METTL4: variants seen among roughly 807,000 people sequenced by gnomAD.
The protein encoded by METTL4 is N(6)-adenine-specific methyltransferase METTL4.
METTL4 carries 40 observed loss-of-function variants against 54.0 expected under a neutral mutation model. The ratio of observed to expected loss-of-function variants is 0.74; its 90% CI spans 0.58 to 0.96. The LOEUF is 0.96. METTL4 is among the 50% of genes least tolerant of loss of function. The probability of loss-of-function intolerance (pLI) is 0.00; values close to 1 mark genes in which losing one functional copy is unlikely to be tolerated. For missense variants in METTL4, 525 were observed against 549.0 expected (o/e 0.96, Z 0.44); for synonymous variants, 169 against 183.8 (o/e 0.92, Z 0.65).
At chr18:2,540,709 C>A (rs765820243) in intron 8 of METTL4, 83 of 985,226 alleles carry the variant, frequency 8.4e-5, no homozygotes, top group Non-Finnish European at 9.6e-5. Context: ...AGGAAATAAC[C>A]CCACATGGAA....
chr18:2,538,597 C>A lies in METTL4; in HGVS notation c.*403G>T, dbSNP rs981773623. On this transcript the variant is annotated 3_prime_UTR_variant, in exon 9 of 9. Coordinates refer to ENST00000574538, the MANE Select transcript of METTL4 (RefSeq NM_022840.5). ...CTGATGTTTAAAAAGAAGCAGAAATCTGGACTTTAATGTGAAATAGCCCCA... is the reference window on the plus strand; with the variant it reads ...CTGATGTTTAAAAAGAAGCAGAAATATGGACTTTAATGTGAAATAGCCCCA... The A allele has an allele frequency of 6.3e-6, 1 of 157,930 alleles. No homozygotes were observed. The highest frequency in any genetic ancestry group is 1.4e-5 in the Non-Finnish European group (1 of 71,794). The allele number at this position is 157,930 out of a possible 1,614,324, so 9.8% of individuals were successfully genotyped here.
At chr18:2,542,244 T>G (rs763353826) in intron 8 of METTL4, among the ~76,000 whole-genome samples, 28 of 152,036 alleles carry the variant, frequency 1.8e-4, no homozygotes, top group Non-Finnish European at 3.4e-4. Context: ...TTAGGGTACA[T>G]GTGCACATTG....
intron 7 of METTL4, 68 bp downstream of exon 7, chr18:2,544,585 T>C: frequency 2.0e-6 from 2 of 1,015,252 alleles, no homozygotes; most frequent in Non-Finnish European, 3.0e-6. Flanking sequence ...AAGTCAATGA[T>C]TACTAATCAT....
intron 8 of METTL4, 103 bp downstream of exon 8, chr18:2,544,092 C>T (rs1398220716): frequency 9.1e-6 from 7 of 767,882 alleles, no homozygotes; most frequent in Admixed American, 3.0e-5. Flanking sequence ...TAACAACCTA[C>T]GTCTGACTTA....
At chr18:2,547,863 G>A (rs2072095238) in intron 5 of METTL4, among the ~76,000 whole-genome samples, 1 of 151,716 alleles carries the variant, frequency 6.6e-6, no homozygotes, top group East Asian at 1.9e-4. Flanking sequence ...CATACTCTAC[G>A]TTACACAGGA....
chr18:2,565,743 C>T (rs1027690890), intron 2 of METTL4, among the ~76,000 whole-genome samples: 4 of 152,056 alleles, frequency 2.6e-5, no homozygotes, highest in Admixed American at 6.5e-5. Context: ...AACGTTTGTT[C>T]GGTGAGTAAT....
chr18:2,567,227 TAA>T lies in METTL4; in HGVS notation c.-13_-12del. ...GTGTACCACAGACATTCCCTTCCTTTAAAAAAGCCTCTGGGAATTAGGAACTA... is the reference window on the plus strand; with the variant it reads ...GTGTACCACAGACATTCCCTTCCTTTAAAAGCCTCTGGGAATTAGGAACTA... On this transcript the variant is annotated 5_prime_UTR_variant, in exon 2 of 9. Coordinates refer to ENST00000574538, the MANE Select transcript of METTL4 (RefSeq NM_022840.5). The T allele has an allele frequency of 6.5e-7, 1 of 1,549,876 alleles. No homozygotes were observed. The highest frequency in any genetic ancestry group is 8.7e-7 in the Non-Finnish European group (1 of 1,151,014).
chr18:2,559,803 TCGGCTTA>T (rs1464536174), intron 3 of METTL4, among the ~76,000 whole-genome samples: 1 of 152,198 alleles, frequency 6.6e-6, no homozygotes, highest in Non-Finnish European at 1.5e-5. Context: ...TGGCATGATC[TCGGCTTA>T]CCGCAACCTC....
chr18:2,552,767 GA>G lies in METTL4; in HGVS notation c.830-4del. 1 of 1,599,382 alleles carries G rather than the reference GA, an allele frequency of 6.3e-7. No homozygotes were observed. The stretch of plus-strand genomic sequence containing the variant: ...AATTACATCAAATGTTTTCCTATCT[GA>G]AAACAAAGATACAATTTCAGAAAAT... On this transcript the variant is annotated splice_polypyrimidine_tract_variant and splice_region_variant and intron_variant, in intron 4 of 8. Transcript: ENST00000574538.
Position 2,571,161 on chromosome 18 carries a change from C to T in METTL4, c.-451G>A, listed in dbSNP as rs995352956. 3 of 152,552 alleles carry T rather than the reference C, an allele frequency of 2.0e-5. No individual in the cohort carries two copies. The highest frequency in any genetic ancestry group is 7.2e-5 in the African/African-American group (3 of 41,466). The allele number at this position is 152,552 out of a possible 1,614,324, so 9.4% of individuals were successfully genotyped here. ...TCTCCCACCTCACCTCTTCCCTTGT[C>T]AGAAAAGCGGACGCCGCCTTCCCAG... On this transcript the variant is annotated 5_prime_UTR_variant, in exon 1 of 9. Coordinates refer to ENST00000574538, the MANE Select transcript of METTL4 (RefSeq NM_022840.5).
At chr18:2,556,325 C>T (rs2072238450) in intron 3 of METTL4, among the ~76,000 whole-genome samples, 1 of 151,744 alleles carries the variant, frequency 6.6e-6, no homozygotes, top group African/African-American at 2.4e-5. Context: ...TAGCTTTAGA[C>T]CAAAGTCTGC....
intron 8 of METTL4, chr18:2,540,408 T>C: frequency 5.1e-6 from 5 of 982,162 alleles, no homozygotes; most frequent in Non-Finnish European, 4.8e-6. Flanking sequence ...TCTTTAGGAA[T>C]ACTAGAGACA....
Position 2,552,703 on chromosome 18 carries a change from T to TCAA in METTL4, c.890_891insTTG (p.Arg297delinsSerTer), listed in dbSNP as rs756630811. The TCAA allele has an allele frequency of 6.2e-7, 1 of 1,609,726 alleles. No homozygotes were observed. The highest frequency in any genetic ancestry group is 8.5e-7 in the Non-Finnish European group (1 of 1,177,572). ...CTTTCATTTCCACTTACCTATTACTTCTTTTAACTGATTTGTTCTGCCATG... is the reference window on the plus strand; with the variant it reads ...CTTTCATTTCCACTTACCTATTACTTCAACTTTTAACTGATTTGTTCTGCCATG... On this transcript the variant is annotated stop_gained and protein_altering_variant, in exon 5 of 9. Coordinates refer to ENST00000574538, the MANE Select transcript of METTL4 (RefSeq NM_022840.5). LOFTEE classifies it high-confidence loss of function.
chr18:2,563,921 T>A (rs1014627986), intron 2 of METTL4, 62 bp from the exon 3 acceptor site: 1 of 1,072,010 alleles, frequency 9.3e-7, no homozygotes, highest in African/African-American at 1.6e-5. Flanking sequence ...GCTTTTTCAT[T>A]ATAACATTAT....
intron 3 of METTL4, among the ~76,000 whole-genome samples, chr18:2,559,147 G>T (rs1226085429): frequency 6.6e-6 from 1 of 152,044 alleles, no homozygotes; most frequent in Non-Finnish European, 1.5e-5. Context: ...GCAAGAACTG[G>T]AATAGATATT....
rs947516159 is a variant in METTL4 at position 2,563,800 on chromosome 18, T to G, written c.456A>C (p.Thr152=). The G allele has an allele frequency of 1.2e-6, 2 of 1,603,728 alleles. No homozygotes were observed. The highest frequency in any genetic ancestry group is 1.7e-6 in the Non-Finnish European group (2 of 1,173,728). The change falls in exon 3 of 9, where the codon ACA becomes ACC. Residue 152 remains threonine, a synonymous_variant. Transcript: ENST00000574538. ...TCAATGAACATTTTACACTTACCTT[T>G]GTATGGTATTCCATAGCATCCAATT... is the stretch of plus-strand genomic sequence containing the variant. ...QGELDAMEYH[T]KIRELILDGS... is the part of the protein sequence containing the mutation.
intron 8 of METTL4, 110 bp from the exon 9 acceptor site, chr18:2,539,255 C>G (rs962795692): frequency 3.2e-5 from 28 of 882,732 alleles, no homozygotes; most frequent in Non-Finnish European, 4.5e-5. Flanking sequence ...TCTTAAAAGA[C>G]AGCAAATTAA....
intron 5 of METTL4, among the ~76,000 whole-genome samples, chr18:2,549,893 C>A (rs981579136): frequency 1.3e-5 from 2 of 149,886 alleles, no homozygotes; most frequent in Non-Finnish European, 3.0e-5. Flanking sequence ...ACTCAGGAGG[C>A]TAAGGCAGAA....
chr18:2,555,639 T>C (rs2072228325), intron 3 of METTL4: 1 of 152,166 alleles, frequency 6.6e-6, no homozygotes, highest in South Asian at 2.1e-4. Context: ...AACATAACTC[T>C]ATAAAACAAA....
Sources: gnomAD v4.1 joint callset for allele counts (sites outside exome capture counted in the v4.1 genomes callset) on GRCh38, gnomAD v4.1.1 for gene constraint, MANE v1.5 for transcripts, NCBI Gene and HGNC (gene_info 2026-07-23, HGNC 2026-07-21) for gene names.